The following GPC5 variants were observed in gnomAD, a reference collection of about 807,000 sequenced individuals.
GPC5 encodes the protein glypican 5.
GPC5 carries 47 observed loss-of-function variants against 53.9 expected under a neutral mutation model. The observed-to-expected ratio is 0.87, with a 90% CI of 0.69 to 1.11. GPC5 has a LOEUF of 1.11. GPC5 is among the 50% of genes most tolerant of loss of function. The pLI is 0.00. For missense variants in GPC5, 748 were observed against 713.1 expected (o/e 1.05, Z -0.56); for synonymous variants, 286 against 263.3 (o/e 1.09, Z -0.84).
At chr13:92,200,166 C>G (rs1290470546) in intron 7 of GPC5, among the ~76,000 whole-genome samples, 1 of 142,636 alleles carries the variant, frequency 7.0e-6, no homozygotes, top group South Asian at 2.3e-4. Flanking sequence ...TTATATTTCC[C>G]TTTTTCCAAG....
chr13:92,088,482 A>T (rs9589424), intron 6 of GPC5, among the ~76,000 whole-genome samples: 7,858 of 152,174 alleles, frequency 0.052, 672 homozygotes, highest in African/African-American at 0.18. Context: ...GTTCTCTCAC[A>T]TTGGAATGAC....
At position 91,708,297 on chromosome 13, in the gene GPC5, G is replaced by A. The variant is rs750442614; in HGVS notation, c.1020+14416G>A. ...TGTTTTTTTTTTGTTTTTCCCCTGG[G>A]ATATGACTGTATACTCTGAGTTGGG... On this transcript the variant is annotated intron_variant, in intron 3 of 7. Transcript: ENST00000377067. Among the ~76,000 whole-genome samples the A allele has an allele frequency of 3.7e-4, 56 of 151,874 alleles. 2 individuals carry two copies. Among genetic ancestry groups the A allele is most frequent in the Admixed American group, 1.2e-3 (19 of 15,254 alleles).
intron 7 of GPC5, among the ~76,000 whole-genome samples, chr13:92,217,214 C>T (rs1424161603): frequency 6.6e-6 from 1 of 152,196 alleles, no homozygotes; most frequent in Non-Finnish European, 1.5e-5. Context: ...TCATATTCAA[C>T]AGAAAGCATA....
rs543436359 is a variant in GPC5, at chr13:92,210,092, T to C, written c.1561+65103T>C. Reference sequence around the variant, plus strand: ...TTGAGGGTGGATCGGCCTTTCCCAGTCCACTGACTCAAATGTTAATCTCCT... The same window carrying C: ...TTGAGGGTGGATCGGCCTTTCCCAGCCCACTGACTCAAATGTTAATCTCCT... On this transcript the variant is annotated intron_variant, in intron 7 of 7. Coordinates refer to ENST00000377067, the MANE Select transcript of GPC5 (RefSeq NM_004466.6). 4.9e-4 allele frequency among the ~76,000 whole-genome samples: 75 copies of C among 152,154 alleles called. No individual in the cohort carries two copies. In the South Asian group the frequency reaches 6.5e-3, roughly 13 times the overall value.
At chr13:91,404,238 C>G (rs1383842699) in intron 1 of GPC5, among the ~76,000 whole-genome samples, 1 of 152,122 alleles carries the variant, frequency 6.6e-6, no homozygotes, top group East Asian at 1.9e-4. Context: ...CCTGGTAAGA[C>G]CAAGAACAAC....
At chr13:91,432,203 C>CTGGTGTG (rs1555306318) in intron 1 of GPC5, among the ~76,000 whole-genome samples, 32 of 136,452 alleles carry the variant, frequency 2.3e-4, no homozygotes, top group African/African-American at 8.9e-4. Context: ...GCTGCTGCTG[C>CTGGTGTG]TGTGTGTGTG....
intron 7 of GPC5, among the ~76,000 whole-genome samples, chr13:92,327,266 C>T (rs1319541150): frequency 6.6e-6 from 1 of 152,146 alleles, no homozygotes; most frequent in Admixed American, 6.6e-5. Context: ...TTCAAACTTG[C>T]CGCTATACTC....
At chr13:92,075,661 T>C (rs1196738822) in intron 6 of GPC5, among the ~76,000 whole-genome samples, 1 of 152,196 alleles carries the variant, frequency 6.6e-6, no homozygotes, top group Non-Finnish European at 1.5e-5. Flanking sequence ...TGTCATATCA[T>C]GACAAAAGAT....
At chr13:91,943,624 T>G (rs898440262) in intron 6 of GPC5, among the ~76,000 whole-genome samples, 5 of 152,182 alleles carry the variant, frequency 3.3e-5, no homozygotes, top group African/African-American at 1.2e-4. Flanking sequence ...TTTTGTGGAT[T>G]AACTGAGGTG....
At chr13:91,866,211 G>A (rs2039083480) in intron 5 of GPC5, among the ~76,000 whole-genome samples, 1 of 152,178 alleles carries the variant, frequency 6.6e-6, no homozygotes, top group African/African-American at 2.4e-5. Context: ...TTCAAAGAAT[G>A]AAAAGGTATA....
chr13:91,834,440 C>A (rs1169004514), intron 5 of GPC5, among the ~76,000 whole-genome samples: 5 of 152,126 alleles, frequency 3.3e-5, no homozygotes, highest in Non-Finnish European at 5.9e-5. Context: ...ACAGCCAAGG[C>A]AATCCTAATA....
chr13:92,525,393 A>G (rs1387360694), intron 7 of GPC5, among the ~76,000 whole-genome samples: 1 of 150,762 alleles, frequency 6.6e-6, no homozygotes, highest in Non-Finnish European at 1.5e-5. Context: ...TAATATAATG[A>G]AGCAACTGGG....
At chr13:92,788,918 C>T (rs868550095) in intron 7 of GPC5, among the ~76,000 whole-genome samples, 8 of 151,990 alleles carry the variant, frequency 5.3e-5, no homozygotes, top group Non-Finnish European at 5.9e-5. Context: ...TGCTCAATAT[C>T]TCAATATTGG....
At chr13:92,121,930 G>A (rs2041653018) in intron 6 of GPC5, among the ~76,000 whole-genome samples, 1 of 152,150 alleles carries the variant, frequency 6.6e-6, no homozygotes, top group African/African-American at 2.4e-5. Flanking sequence ...ATGAACGTAA[G>A]GATATTTTCA....
intron 5 of GPC5, among the ~76,000 whole-genome samples, chr13:91,861,984 G>T (rs2039034863): frequency 6.6e-6 from 1 of 151,338 alleles, no homozygotes; most frequent in African/African-American, 2.4e-5. Flanking sequence ...CTTTGTGATT[G>T]TTTTAGTATA....
At chr13:92,864,480 T>C (rs761978102) in intron 7 of GPC5, among the ~76,000 whole-genome samples, 1 of 152,142 alleles carries the variant, frequency 6.6e-6, no homozygotes, top group Admixed American at 6.6e-5. Flanking sequence ...ACCTTATTCA[T>C]GGATCCCATC....
rs116494699 is a variant in GPC5, at chr13:92,632,874, C to A, written c.1562-233408C>A. Among the ~76,000 whole-genome samples the A allele has an allele frequency of 7.8e-3, 1,190 of 151,992 alleles. 16 individuals carry two copies. Among genetic ancestry groups the A allele is most frequent in the African/African-American group, 0.027 (1,130 of 41,476 alleles). Reference sequence around the variant, plus strand: ...AAAGAGAACTTCTGCAGAGAAACTCCCATTTTTTTGTTTGTTTGTTTTGTT... The same window carrying A: ...AAAGAGAACTTCTGCAGAGAAACTCACATTTTTTTGTTTGTTTGTTTTGTT... On this transcript the variant is annotated intron_variant, in intron 7 of 7. Coordinates refer to ENST00000377067, the MANE Select transcript of GPC5 (RefSeq NM_004466.6).
chr13:91,584,940 G>A (rs945427600), intron 2 of GPC5, among the ~76,000 whole-genome samples: 12 of 152,122 alleles, frequency 7.9e-5, no homozygotes, highest in Non-Finnish European at 7.4e-5. Context: ...ATCACAAATA[G>A]GAGTGGATGT....
intron 7 of GPC5, chr13:92,240,320 A>G (rs2042602322): frequency 6.6e-6 from 1 of 152,176 alleles, no homozygotes; most frequent in South Asian, 2.1e-4. Flanking sequence ...TATTCCAATA[A>G]TATATTAAGC....
Sources: allele counts gnomAD v4.1 joint callset (sites outside exome capture counted in the v4.1 genomes callset), GRCh38; gene constraint gnomAD v4.1.1; transcripts MANE v1.5; gene names NCBI Gene and HGNC (gene_info 2026-07-23, HGNC 2026-07-21).